Variants in DNAI2 observed in about 807,000 individuals in gnomAD.
The protein encoded by DNAI2 is dynein axonemal intermediate chain 2.
DNAI2 carries 63 observed loss-of-function variants against 74.7 expected under a neutral mutation model. The ratio of observed to expected loss-of-function variants is 0.84; its 90% CI spans 0.69 to 1.04. The LOEUF (loss-of-function observed/expected upper bound fraction) is 1.04, where lower values mean the gene tolerates loss of function less well. Among genes scored for constraint, DNAI2 ranks in the 50% least tolerant of loss-of-function variants. The pLI, the probability that DNAI2 is intolerant of heterozygous loss-of-function variation, is 0.00. For missense variants in DNAI2, 688 were observed against 803.2 expected (o/e 0.86, Z 1.73); for synonymous variants, 289 against 314.9 (o/e 0.92, Z 0.87).
chr17:74,306,136 T>G (rs1437632174), intron 9 of DNAI2, among the ~76,000 whole-genome samples: 2 of 152,216 alleles, frequency 1.3e-5, no homozygotes, highest in African/African-American at 4.8e-5. Context: ...CCAAGGAAGC[T>G]TGGCTGGGAA....
chr17:74,296,627 A>G (rs1334864121), intron 6 of DNAI2, among the ~76,000 whole-genome samples: 1 of 152,184 alleles, frequency 6.6e-6, no homozygotes, highest in Admixed American at 6.5e-5. Flanking sequence ...ACCCTGATGA[A>G]AAGACTTTTC....
At chr17:74,307,542 G>A (rs1043966473) in intron 9 of DNAI2, among the ~76,000 whole-genome samples, 3 of 151,870 alleles carry the variant, frequency 2.0e-5, no homozygotes, top group African/African-American at 7.3e-5. Flanking sequence ...GGTGGCTAAC[G>A]CCTGTAATCC....
Position 74,309,267 on chromosome 17 carries a change from AC to A in DNAI2, c.1228del (p.Leu410SerfsTer9). On this transcript the variant is annotated frameshift_variant, in exon 10 of 14. Transcript: ENST00000311014. LOFTEE classifies it high-confidence loss of function. Reference sequence around the variant, plus strand: ...ACCTCCCACAGGTACCACATGGCTTACCTCACTGATGCTGCCTGGAGCCCCG... The same window carrying A: ...ACCTCCCACAGGTACCACATGGCTTACTCACTGATGCTGCCTGGAGCCCCG... ...SIMWTKYHMA[Y>X]LTDAAWSPVR... 1 of 1,614,028 alleles carries A rather than the reference AC, an allele frequency of 6.2e-7. No homozygotes were observed. The highest frequency in any genetic ancestry group is 8.5e-7 in the Non-Finnish European group (1 of 1,180,004).
At chr17:74,307,343 A>G (rs562259938) in intron 9 of DNAI2, 1 of 455,724 alleles carries the variant, frequency 2.2e-6, no homozygotes, top group South Asian at 1.5e-5. Flanking sequence ...CTCCTCCTGC[A>G]TAAGGTTAAA....
chr17:74,305,670 C>CTT lies in DNAI2; in HGVS notation c.1211+249_1211+250dup, dbSNP rs4007906. Among the ~76,000 whole-genome samples, 368 of 122,178 alleles carry CTT rather than the reference C, an allele frequency of 3.0e-3. 1 individual carries two copies. Among genetic ancestry groups the CTT allele is most frequent in the East Asian group, 7.1e-3 (32 of 4,522 alleles). The allele number at this position is 122,178 out of a possible 152,430, so 80.2% of individuals were successfully genotyped here. A position where few individuals can be genotyped will look rare whatever the true frequency, so the allele number is the denominator to read the frequency against. ...AATGGCCATGGCTTAATTTTATTTC[C>CTT]TTTTTTTTTTTTTTTTTTTTTTGAG... On this transcript the variant is annotated intron_variant, in intron 9 of 13. Coordinates refer to ENST00000311014, the MANE Select transcript of DNAI2 (RefSeq NM_023036.6).
intron 11 of DNAI2, among the ~76,000 whole-genome samples, chr17:74,310,520 TTTTAA>T (rs1228878684): frequency 1.3e-5 from 2 of 151,628 alleles, no homozygotes; most frequent in Non-Finnish European, 2.9e-5. Flanking sequence ...TTATATTGTA[TTTTAA>T]TTTAATTATT....
intron 6 of DNAI2, among the ~76,000 whole-genome samples, chr17:74,291,498 G>C (rs1297333856): frequency 6.6e-6 from 1 of 152,180 alleles, no homozygotes; most frequent in Non-Finnish European, 1.5e-5. Context: ...CAATCCTGCT[G>C]CTATAGGGCA....
intron 7 of DNAI2, 37 bp from the exon 8 acceptor site, chr17:74,301,009 G>A: frequency 6.2e-7 from 1 of 1,612,244 alleles, no homozygotes; most frequent in Non-Finnish European, 8.5e-7. Context: ...GGAAATACAG[G>A]GCCTCGAAGT....
At chr17:74,302,971 T>C (rs2052949842) in intron 8 of DNAI2, among the ~76,000 whole-genome samples, 1 of 152,206 alleles carries the variant, frequency 6.6e-6, no homozygotes, top group South Asian at 2.1e-4. Context: ...CAGGAAAACA[T>C]TCTGTCCCAG....
intron 8 of DNAI2, among the ~76,000 whole-genome samples, chr17:74,304,429 G>T (rs909550142): frequency 6.6e-6 from 1 of 151,914 alleles, no homozygotes; most frequent in African/African-American, 2.4e-5. Flanking sequence ...CAGCACCATT[G>T]TAGGCTCAGG....
At chr17:74,284,763 T>A (rs1349524466) in intron 2 of DNAI2, among the ~76,000 whole-genome samples, 1 of 152,206 alleles carries the variant, frequency 6.6e-6, no homozygotes, top group Non-Finnish European at 1.5e-5. Context: ...CAGGCTTCTC[T>A]GGTCCATTAG....
At chr17:74,275,906 G>A (rs1224460189) in intron 1 of DNAI2, among the ~76,000 whole-genome samples, 1 of 152,036 alleles carries the variant, frequency 6.6e-6, no homozygotes, top group African/African-American at 2.4e-5. Flanking sequence ...CAACAACAAA[G>A]AAAGAGGGAA....
chr17:74,282,824 C>T (rs1182806185), intron 2 of DNAI2, among the ~76,000 whole-genome samples: 2 of 152,200 alleles, frequency 1.3e-5, no homozygotes, highest in Non-Finnish European at 2.9e-5. Context: ...AAAATGATAA[C>T]GAAATCACTT....
At position 74,312,364 on chromosome 17, in the gene DNAI2, C is replaced by G. The variant is rs1266077182; in HGVS notation, c.1722+134C>G. On this transcript the variant is annotated intron_variant, in intron 12 of 13. Transcript: ENST00000311014. ...TACCTGCTAGATCTTAATTTATTCA[C>G]CTGGCAAGTGGGAAGAATTATTCCC... 44 of 694,190 alleles carry G rather than the reference C, an allele frequency of 6.3e-5. 1 individual carries two copies. The East Asian group carries it at 1.2e-3, about 19-fold the overall frequency. The allele number at this position is 694,190 out of a possible 1,614,324, so 43.0% of individuals were successfully genotyped here.
Position 74,300,080 on chromosome 17 carries a change from C to T in DNAI2, c.864+223C>T, listed in dbSNP as rs1458610713. On this transcript the variant is annotated intron_variant, in intron 7 of 13. Coordinates refer to ENST00000311014, the MANE Select transcript of DNAI2 (RefSeq NM_023036.6). The surrounding 1 kb of genome is among the most constrained non-coding windows in gnomAD (Gnocchi z 4.5). Reference sequence around the variant, plus strand: ...TCTCCTGCCTCAGCCTCCCAAGTAGCTGGGATTACAGGCGCCTGCCACTAT... The same window carrying T: ...TCTCCTGCCTCAGCCTCCCAAGTAGTTGGGATTACAGGCGCCTGCCACTAT... Among the ~76,000 whole-genome samples, 1 of 152,204 alleles carries T rather than the reference C, an allele frequency of 6.6e-6. No individual in the cohort carries two copies. Among genetic ancestry groups the T allele is most frequent in the African/African-American group, 2.4e-5 (1 of 41,446 alleles).
chr17:74,308,153 A>G (rs146257718), intron 9 of DNAI2, among the ~76,000 whole-genome samples: 4 of 152,146 alleles, frequency 2.6e-5, no homozygotes, highest in Admixed American at 6.5e-5. Flanking sequence ...CTGTCAACAC[A>G]CTAGGTTTGC....
chr17:74,282,061 G>C, intron 2 of DNAI2, 61 bp downstream of exon 2: 1 of 1,596,044 alleles, frequency 6.3e-7, no homozygotes, highest in Non-Finnish European at 8.6e-7. Flanking sequence ...CGGCCAGCTG[G>C]GGCCGGTGAG....
intron 6 of DNAI2, among the ~76,000 whole-genome samples, chr17:74,297,708 T>C (rs1400464623): frequency 6.6e-6 from 1 of 150,538 alleles, no homozygotes; most frequent in Non-Finnish European, 1.5e-5. Context: ...TTTTTTAATC[T>C]CCAGTGAGAT....
intron 6 of DNAI2, among the ~76,000 whole-genome samples, chr17:74,299,294 C>A (rs774089922): frequency 6.6e-6 from 1 of 152,130 alleles, no homozygotes; most frequent in Non-Finnish European, 1.5e-5. Context: ...GGAGTCTTTC[C>A]ACGTGCTTTT....
Sources: allele counts gnomAD v4.1 joint callset (sites outside exome capture counted in the v4.1 genomes callset), GRCh38; gene constraint gnomAD v4.1.1; non-coding constraint Gnocchi (gnomAD v3.1); transcripts MANE v1.5; gene names NCBI Gene and HGNC (gene_info 2026-07-23, HGNC 2026-07-21).